The following TCERG1L variants were observed in gnomAD, a reference collection of about 807,000 sequenced individuals.
The protein encoded by TCERG1L is transcription elongation regulator 1 like.
TCERG1L carries 37 observed loss-of-function variants against 56.3 expected under a neutral mutation model. That is an observed-to-expected ratio of 0.66 (90% CI 0.51 to 0.87). The LOEUF is 0.87. Ranked by LOEUF, TCERG1L falls within the 40% of genes least tolerant of loss-of-function variation. The pLI, the probability that TCERG1L is intolerant of heterozygous loss-of-function variation, is 0.00. For synonymous variants in TCERG1L, 324 were observed against 326.3 expected (o/e 0.99, Z 0.08); for missense variants, 799 against 774.2 (o/e 1.03, Z -0.38).
Position 131,311,210 on chromosome 10 carries a change from G to T in TCERG1L, c.342+84C>A. 1 of 1,096,158 alleles carries T rather than the reference G, an allele frequency of 9.1e-7. No homozygotes were observed. Among genetic ancestry groups the T allele is most frequent in the Non-Finnish European group, 1.1e-6 (1 of 879,118 alleles). The allele number at this position is 1,096,158 out of a possible 1,614,324, so 67.9% of individuals were successfully genotyped here. On this transcript the variant is annotated intron_variant, in intron 1 of 11. Transcript: ENST00000368642. This position sits in a 1 kb window ranked among gnomAD's most constrained non-coding sequence, Gnocchi z 4.0. ...CGCCGGGGAGGAGGGCGCGCGAGCC[G>T]GAGGCCAGAGCCGGGCCGGGCAGGG...
intron 8 of TCERG1L, among the ~76,000 whole-genome samples, chr10:131,132,753 C>T (rs1357307862): frequency 6.6e-6 from 1 of 152,196 alleles, no homozygotes; most frequent in East Asian, 1.9e-4. Context: ...CCCCTGTGGC[C>T]CACACAGCAT....
At chr10:131,119,661 A>C (rs531485972) in intron 8 of TCERG1L, among the ~76,000 whole-genome samples, 23 of 152,252 alleles carry the variant, frequency 1.5e-4, no homozygotes, top group African/African-American at 3.1e-4. Context: ...AGAATCGGTC[A>C]AAAGCAAATG....
chr10:131,291,471 G>A (rs1279043444), intron 3 of TCERG1L, among the ~76,000 whole-genome samples: 1 of 111,038 alleles, frequency 9.0e-6, no homozygotes, highest in African/African-American at 3.6e-5. Flanking sequence ...GTGTCTCCCA[G>A]GTTGGAGTGC....
intron 4 of TCERG1L, among the ~76,000 whole-genome samples, chr10:131,231,000 G>T (rs1371517846): frequency 6.6e-6 from 1 of 151,082 alleles, no homozygotes; most frequent in East Asian, 1.9e-4. Flanking sequence ...GGGTACCCCT[G>T]AGCACCGCTC....
At chr10:131,160,152 C>T (rs970897496) in intron 6 of TCERG1L, among the ~76,000 whole-genome samples, 17 of 152,294 alleles carry the variant, frequency 1.1e-4, no homozygotes, top group African/African-American at 3.8e-4. Flanking sequence ...GAAGCTTCTC[C>T]GTCCACTCAA....
chr10:131,248,844 A>G (rs1018331550), intron 4 of TCERG1L, among the ~76,000 whole-genome samples: 7 of 152,080 alleles, frequency 4.6e-5, no homozygotes, highest in East Asian at 1.9e-4. Context: ...AGCCCCCCCA[A>G]CCGGTGCTCG....
At chr10:131,219,348 C>T (rs567882257) in intron 4 of TCERG1L, among the ~76,000 whole-genome samples, 3 of 152,356 alleles carry the variant, frequency 2.0e-5, no homozygotes, top group East Asian at 1.9e-4. Flanking sequence ...TGTCACTCCC[C>T]AGGAGGGGCT....
chr10:131,214,254 C>T (rs1388741171), intron 4 of TCERG1L, among the ~76,000 whole-genome samples: 4 of 152,140 alleles, frequency 2.6e-5, no homozygotes, highest in South Asian at 2.1e-4. Context: ...TCCATCTCCA[C>T]TGCACGCCCT....
In TCERG1L at chr10:131,216,916, G is replaced by A. The variant is rs144478026; in HGVS notation, c.856+43343C>T. 8.6e-4 allele frequency among the ~76,000 whole-genome samples: 131 copies of A among 152,246 alleles called. 1 individual carries two copies. In the East Asian group the frequency reaches 0.016, roughly 18 times the overall value. Reference sequence around the variant, plus strand: ...GTGGTTCCCAAATCCCACTGAAACCGAGGGTGGCATCTCTACCCAGGGCAC... The same window carrying A: ...GTGGTTCCCAAATCCCACTGAAACCAAGGGTGGCATCTCTACCCAGGGCAC... On this transcript the variant is annotated intron_variant, in intron 4 of 11. Transcript: ENST00000368642.
intron 6 of TCERG1L, among the ~76,000 whole-genome samples, chr10:131,147,664 T>A (rs1293960570): frequency 6.6e-6 from 1 of 152,228 alleles, no homozygotes; most frequent in African/African-American, 2.4e-5. Flanking sequence ...AGAAGGTCCC[T>A]CTGGCTCCGC....
At chr10:131,223,858 G>A (rs1379619559) in intron 4 of TCERG1L, among the ~76,000 whole-genome samples, 2 of 146,446 alleles carry the variant, frequency 1.4e-5, no homozygotes, top group African/African-American at 5.1e-5. Context: ...CCTGCCCACT[G>A]TACATGGACA....
intron 6 of TCERG1L, among the ~76,000 whole-genome samples, chr10:131,151,238 T>G (rs1229737549): frequency 6.6e-6 from 1 of 152,122 alleles, no homozygotes; most frequent in Non-Finnish European, 1.5e-5. Context: ...AAAGTCCAAC[T>G]CTAAAGTCTC....
chr10:131,154,387 A>G (rs1845897378), intron 6 of TCERG1L, among the ~76,000 whole-genome samples: 1 of 152,014 alleles, frequency 6.6e-6, no homozygotes, highest in Admixed American at 6.5e-5. Flanking sequence ...CCACTACACA[A>G]AGGCTCTCCC....
intron 3 of TCERG1L, among the ~76,000 whole-genome samples, chr10:131,287,882 T>C (rs1846563330): frequency 6.6e-6 from 1 of 152,232 alleles, no homozygotes; most frequent in African/African-American, 2.4e-5. Context: ...CAGGCCATTT[T>C]GAACCCGGCA....
intron 7 of TCERG1L, among the ~76,000 whole-genome samples, chr10:131,137,018 T>A (rs757548617): frequency 6.6e-6 from 1 of 151,894 alleles, no homozygotes; most frequent in Non-Finnish European, 1.5e-5. Context: ...CAGGTGCCTA[T>A]AATCCCAGCT....
intron 4 of TCERG1L, among the ~76,000 whole-genome samples, chr10:131,174,483 G>T (rs1336591026): frequency 6.6e-6 from 1 of 152,086 alleles, no homozygotes; most frequent in African/African-American, 2.4e-5. Context: ...CCTGGTCGGG[G>T]CTGGGCTGCA....
chr10:131,174,961 A>G (rs72847797), intron 4 of TCERG1L, among the ~76,000 whole-genome samples: 5 of 149,414 alleles, frequency 3.3e-5, no homozygotes, highest in Non-Finnish European at 5.9e-5. Flanking sequence ...ACCCACCCCA[A>G]TAATGGGACC....
At position 131,267,601 on chromosome 10, in the gene TCERG1L, C is replaced by T. The variant is rs1185802596; in HGVS notation, c.671-7157G>A. Among the ~76,000 whole-genome samples the T allele has an allele frequency of 2.0e-5, 3 of 152,212 alleles. No individual in the cohort carries two copies. The highest frequency in any genetic ancestry group is 2.9e-5 in the Non-Finnish European group (2 of 68,030). On this transcript the variant is annotated intron_variant, in intron 3 of 11. Coordinates refer to ENST00000368642, the MANE Select transcript of TCERG1L (RefSeq NM_174937.4). The surrounding 1 kb of genome is among the most constrained non-coding windows in gnomAD (Gnocchi z 4.9). The stretch of plus-strand genomic sequence containing the variant: ...GAACCCGATGTTCCTGGGGCTGGTC[C>T]CATGAGTCCTGGCTGCAACTTTGGC...
intron 4 of TCERG1L, among the ~76,000 whole-genome samples, chr10:131,198,163 C>A (rs551108799): frequency 2.6e-5 from 4 of 152,196 alleles, no homozygotes; most frequent in Non-Finnish European, 5.9e-5. Flanking sequence ...CTGGTATGTT[C>A]TATTTTGTGG....
Sources: gnomAD v4.1 joint callset for allele counts (sites outside exome capture counted in the v4.1 genomes callset) on GRCh38, gnomAD v4.1.1 for gene constraint, Gnocchi (gnomAD v3.1) non-coding constraint, MANE v1.5 for transcripts, NCBI Gene and HGNC (gene_info 2026-07-23, HGNC 2026-07-21) for gene names.